The following CFAP45 variants were observed in gnomAD, a reference collection of about 807,000 sequenced individuals.
CFAP45 encodes cilia- and flagella-associated protein 45.
Under a neutral mutation model 75.6 loss-of-function variants are expected in CFAP45, and 43 were observed. The ratio of observed to expected loss-of-function variants is 0.57; its 90% CI spans 0.45 to 0.73. The LOEUF is 0.73. Ranked by LOEUF, CFAP45 falls within the 30% of genes least tolerant of loss-of-function variation. The probability of loss-of-function intolerance (pLI) is 0.00; values close to 1 mark genes in which losing one functional copy is unlikely to be tolerated. For missense variants in CFAP45, 689 were observed against 701.5 expected (o/e 0.98, Z 0.20); for synonymous variants, 223 against 244.6 (o/e 0.91, Z 0.82).
At chr1:159,874,029 C>G (rs1033773007) in intron 10 of CFAP45, among the ~76,000 whole-genome samples, 1 of 152,096 alleles carries the variant, frequency 6.6e-6, no homozygotes, top group African/African-American at 2.4e-5. Context: ...CCAAATTTCC[C>G]TTAGAAACCT....
At chr1:159,894,129 A>G (rs7544475) in intron 1 of CFAP45, among the ~76,000 whole-genome samples, 80,405 of 152,008 alleles carry the variant, frequency 0.53, 23,965 homozygotes, top group Non-Finnish European at 0.67. Context: ...TAAAAACAAA[A>G]CTGTTTTGTT....
rs767892647 is a variant in CFAP45 at position 159,884,574 on chromosome 1, G to C, written c.768-9C>G. On this transcript the variant is annotated splice_polypyrimidine_tract_variant and intron_variant, in intron 6 of 11. Coordinates refer to ENST00000368099, the MANE Select transcript of CFAP45 (RefSeq NM_012337.3). ...CAATTTGCCGCCTTCCTCTTGGAGA[G>C]AACAGTGCCACAGTGTCTTAGAAAC... 1 of 1,612,604 alleles carries C rather than the reference G, an allele frequency of 6.2e-7. No homozygotes were observed. The highest frequency in any genetic ancestry group is 8.5e-7 in the Non-Finnish European group (1 of 1,179,646).
chr1:159,899,940 C>T lies in CFAP45; in HGVS notation c.3+156G>A, dbSNP rs756632395. The T allele has an allele frequency of 4.5e-5, 31 of 695,520 alleles. No homozygotes were observed. The African/African-American group carries it at 5.4e-4, about 12-fold the overall frequency. The allele number at this position is 695,520 out of a possible 1,614,324, so 43.1% of individuals were successfully genotyped here. ...CCTAATTCCTCTTTTGAACCCACCT[C>T]AGGATCTCCCTTGCTTCTTCTAGAG... On this transcript the variant is annotated intron_variant, in intron 1 of 11. Coordinates refer to ENST00000368099, the MANE Select transcript of CFAP45 (RefSeq NM_012337.3).
chr1:159,887,697 A>T (rs1649721280), intron 5 of CFAP45, 144 bp downstream of exon 5: 1 of 813,252 alleles, frequency 1.2e-6, no homozygotes, highest in African/African-American at 1.7e-5. Flanking sequence ...TGATCACTGC[A>T]ACTACCACAG....
At chr1:159,883,679 C>A (rs185863620) in intron 7 of CFAP45, among the ~76,000 whole-genome samples, 15 of 148,150 alleles carry the variant, frequency 1.0e-4, no homozygotes, top group Admixed American at 2.7e-4. Context: ...AAGAAACAAG[C>A]AACTAAGGTA....
At position 159,872,642 on chromosome 1, in the gene CFAP45, G is replaced by A. The variant is rs1050510720; in HGVS notation, c.1578-79C>T. On this transcript the variant is annotated intron_variant, in intron 11 of 11. Coordinates refer to ENST00000368099, the MANE Select transcript of CFAP45 (RefSeq NM_012337.3). ...TGGGAGGAAGCAGGCTCTGGGTGGG[G>A]TTTACAGAACCTGGGGGCCTGCACC... 20 of 1,300,336 alleles carry A rather than the reference G, an allele frequency of 1.5e-5. No individual in the cohort carries two copies. In the African/African-American group the frequency reaches 2.8e-4, roughly 18 times the overall value. The allele number at this position is 1,300,336 out of a possible 1,614,324, so 80.5% of individuals were successfully genotyped here. A position where few individuals can be genotyped will look rare whatever the true frequency, so the allele number is the denominator to read the frequency against.
At position 159,877,333 on chromosome 1, in the gene CFAP45, G is replaced by A. The variant is rs750388675; in HGVS notation, c.1158+16C>T. On this transcript the variant is annotated intron_variant, in intron 9 of 11. Transcript: ENST00000368099. The stretch of plus-strand genomic sequence containing the variant: ...GGAGTGGGAAAAGTAGAGGGAAGTC[G>A]AGACTAAGCAGGTACCTGTTCTGCC... The A allele has an allele frequency of 3.2e-5, 49 of 1,548,190 alleles. No individual in the cohort carries two copies. The highest frequency in any genetic ancestry group is 2.7e-4 in the East Asian group (12 of 44,576).
chr1:159,878,136 C>T (rs1347356726), intron 8 of CFAP45, among the ~76,000 whole-genome samples: 3 of 152,160 alleles, frequency 2.0e-5, no homozygotes, highest in African/African-American at 4.8e-5. Flanking sequence ...CTGACCCTGG[C>T]TTTCACACTC....
At chr1:159,887,261 A>G (rs1352842702) in intron 5 of CFAP45, among the ~76,000 whole-genome samples, 1 of 152,236 alleles carries the variant, frequency 6.6e-6, no homozygotes, top group African/African-American at 2.4e-5. Flanking sequence ...GGAGGCATAC[A>G]TAGAGAAGAT....
chr1:159,899,096 C>T (rs951437685), intron 1 of CFAP45, among the ~76,000 whole-genome samples: 1 of 152,142 alleles, frequency 6.6e-6, no homozygotes, highest in African/African-American at 2.4e-5. Flanking sequence ...TGCCCTTCCC[C>T]TCCCCTCTGG....
At chr1:159,892,990 G>A (rs903346781) in intron 2 of CFAP45, among the ~76,000 whole-genome samples, 190 bp downstream of exon 2, 1 of 152,156 alleles carries the variant, frequency 6.6e-6, no homozygotes, top group Non-Finnish European at 1.5e-5. Flanking sequence ...GAAGAAGCTA[G>A]GTGTCCCTGT....
At chr1:159,888,077 T>G in intron 4 of CFAP45, 66 bp from the exon 5 acceptor site, 1 of 1,536,650 alleles carries the variant, frequency 6.5e-7, no homozygotes, top group Non-Finnish European at 8.9e-7. Context: ...GGCGCTAGCC[T>G]GGCTACCACA....
chr1:159,877,253 C>T (rs1466379141), intron 9 of CFAP45, 96 bp downstream of exon 9: 17 of 892,596 alleles, frequency 1.9e-5, no homozygotes, highest in Middle Eastern at 4.3e-4. Flanking sequence ...TCCTTTCCTC[C>T]GCATCTCCAC....
intron 1 of CFAP45, among the ~76,000 whole-genome samples, chr1:159,893,512 CA>C (rs924663407): frequency 6.6e-6 from 1 of 150,866 alleles, no homozygotes; most frequent in Non-Finnish European, 1.5e-5. Context: ...AGGGTCTCTG[CA>C]AAAAAAAGAG....
chr1:159,873,244 T>G, intron 10 of CFAP45, 76 bp from the exon 11 acceptor site: 1 of 1,248,724 alleles, frequency 8.0e-7, no homozygotes, highest in South Asian at 1.3e-5. Context: ...GGGAGCCTCC[T>G]GGGTGGGCTC....
intron 1 of CFAP45, among the ~76,000 whole-genome samples, chr1:159,893,607 G>A (rs1220060508): frequency 4.6e-5 from 7 of 152,192 alleles, no homozygotes; most frequent in Admixed American, 3.9e-4. Context: ...GCTGAAGAGA[G>A]GAAGGGGAGG....
At chr1:159,898,029 T>A (rs1313591772) in intron 1 of CFAP45, 5 of 817,176 alleles carry the variant, frequency 6.1e-6, no homozygotes, top group Non-Finnish European at 7.4e-6. Context: ...CAGGTTGACA[T>A]GTTCAGGAAA....
intron 3 of CFAP45, among the ~76,000 whole-genome samples, chr1:159,889,732 G>A (rs2101849487): frequency 6.6e-6 from 1 of 152,302 alleles, no homozygotes; most frequent in South Asian, 2.1e-4. Context: ...TCAGTAAGGG[G>A]CCGCAGTCCG....
At chr1:159,900,008 C>CT in intron 1 of CFAP45, 88 bp downstream of exon 1, 1 of 1,513,378 alleles carries the variant, frequency 6.6e-7, no homozygotes, top group African/African-American at 1.4e-5. Flanking sequence ...CTAGACCCAA[C>CT]TGTGACCTCC....
Sources: gnomAD v4.1 joint callset for allele counts (sites outside exome capture counted in the v4.1 genomes callset) on GRCh38, gnomAD v4.1.1 for gene constraint, MANE v1.5 for transcripts, NCBI Gene and HGNC (gene_info 2026-07-23, HGNC 2026-07-21) for gene names.